Variants in EDAR observed in about 807,000 individuals in gnomAD.
The protein encoded by EDAR is ectodysplasin A receptor.
In EDAR, 38 loss-of-function variants were observed where a neutral mutation model predicts 51.3. The observed-to-expected ratio is 0.74, with a 90% CI of 0.57 to 0.97. EDAR has a LOEUF of 0.97. EDAR is among the 50% of genes least tolerant of loss of function. The pLI is 0.00. For missense variants in EDAR, 528 were observed against 595.0 expected, an observed-to-expected ratio of 0.89 and a Z score of 1.17; for synonymous variants, 227 against 242.1, an observed-to-expected ratio of 0.94 and a Z score of 0.58.
At chr2:108,966,970 T>C (rs1698159867) in intron 1 of EDAR, among the ~76,000 whole-genome samples, 3 of 152,250 alleles carry the variant, frequency 2.0e-5, no homozygotes, top group South Asian at 4.1e-4. Flanking sequence ...AGTCTCACTC[T>C]GTTGCCCAGG....
At chr2:108,920,393 C>T (rs1429675272) in intron 5 of EDAR, among the ~76,000 whole-genome samples, 3 of 152,318 alleles carry the variant, frequency 2.0e-5, no homozygotes, top group South Asian at 4.1e-4. Context: ...GACCTCCCTG[C>T]CCCCACTGTC....
rs1200788713 is a variant in EDAR, at chr2:108,896,410, G to T, written c.*497C>A. 6.4e-6 allele frequency: 1 copy of T among 156,514 alleles called. No homozygotes were observed. Among genetic ancestry groups the T allele is most frequent in the African/African-American group, 2.4e-5 (1 of 41,476 alleles). The allele number at this position is 156,514 out of a possible 1,614,324, so 9.7% of individuals were successfully genotyped here. A position where few individuals can be genotyped will look rare whatever the true frequency, so the allele number is the denominator to read the frequency against. ...TGCCATCCTTCATCATCCCAGTAGG[G>T]AGTCATCTCCCGCTTAGAACTTCTA... On this transcript the variant is annotated 3_prime_UTR_variant, in exon 12 of 12. Transcript: ENST00000258443.
At chr2:108,910,642 G>A (rs374638804) in intron 8 of EDAR, 110 bp from the exon 9 acceptor site, 4 of 1,398,468 alleles carry the variant, frequency 2.9e-6, no homozygotes, top group African/African-American at 1.4e-5. Flanking sequence ...GTGTCTGTGT[G>A]GCACCACCCC....
intron 1 of EDAR, among the ~76,000 whole-genome samples, chr2:108,988,494 G>A (rs1000571496): frequency 1.3e-5 from 2 of 152,118 alleles, no homozygotes; most frequent in Non-Finnish European, 2.9e-5. Context: ...GGGGGTCTCA[G>A]ACACGACTGG....
At chr2:108,932,356 G>A (rs181462887) in intron 1 of EDAR, among the ~76,000 whole-genome samples, 7 of 151,652 alleles carry the variant, frequency 4.6e-5, no homozygotes, top group East Asian at 1.9e-4. Context: ...GTGAAACCTC[G>A]TCTCTACTAA....
At chr2:108,897,954 G>A (rs1696631138) in intron 11 of EDAR, among the ~76,000 whole-genome samples, 1 of 152,124 alleles carries the variant, frequency 6.6e-6, no homozygotes, top group Non-Finnish European at 1.5e-5. Context: ...TAAGTTCCCT[G>A]GGTTTTCTTT....
chr2:108,905,126 T>C (rs2105387025), intron 11 of EDAR, among the ~76,000 whole-genome samples: 1 of 152,022 alleles, frequency 6.6e-6, no homozygotes, highest in East Asian at 1.9e-4. Flanking sequence ...TTTGGGCAGA[T>C]TGGGTGGGCT....
chr2:108,983,824 C>T (rs913452827), intron 1 of EDAR, among the ~76,000 whole-genome samples: 4 of 152,176 alleles, frequency 2.6e-5, no homozygotes, highest in Admixed American at 6.5e-5. Context: ...TCTCTGAACC[C>T]GTTCTCCAAC....
At position 108,958,492 on chromosome 2, in the gene EDAR, C is replaced by G. The variant is rs79692049; in HGVS notation, c.-18-27460G>C. Among the ~76,000 whole-genome samples the G allele has an allele frequency of 6.1e-3, 933 of 152,062 alleles. 12 individuals are homozygous for G. The highest frequency in any genetic ancestry group is 0.022 in the African/African-American group (903 of 41,434). On this transcript the variant is annotated intron_variant, in intron 1 of 11. Coordinates refer to ENST00000258443, the MANE Select transcript of EDAR (RefSeq NM_022336.4). ...CTGAGGCAGAAGGCTCACAAGGGTG[C>G]GTTTGTTCAGGCAGGGGGCAGAACA...
Position 108,907,924 on chromosome 2 carries a change from A to G in EDAR, c.899T>C (p.Leu300Pro). 1 of 1,613,660 alleles carries G rather than the reference A, an allele frequency of 6.2e-7. No individual in the cohort carries two copies. The highest frequency in any genetic ancestry group is 8.5e-7 in the Non-Finnish European group (1 of 1,180,018). Residue 300 changes from leucine (L) to proline (P), a missense_variant, in exon 10 of 12, where the codon CTG becomes CCG. By Grantham distance (98) the Leu-to-Pro change is moderately conservative. Coordinates refer to ENST00000258443, the MANE Select transcript of EDAR (RefSeq NM_022336.4). ...PAPDKQGSPELCLLSLVHLAR... is the reference protein window; with the variant it reads ...PAPDKQGSPEPCLLSLVHLAR... ...CAGGTGAACCAGCGACAGCAGGCAC[A>G]GCTCCGGGGAGCCCTGCTTGTCAGG...
At chr2:108,975,989 G>A (rs1202041435) in intron 1 of EDAR, among the ~76,000 whole-genome samples, 3 of 152,138 alleles carry the variant, frequency 2.0e-5, no homozygotes, top group African/African-American at 7.2e-5. Context: ...GTGTTCCCGG[G>A]GACCCCACAC....
intron 1 of EDAR, among the ~76,000 whole-genome samples, chr2:108,966,323 G>A (rs1308980404): frequency 6.6e-6 from 1 of 152,178 alleles, no homozygotes; most frequent in Admixed American, 6.5e-5. Flanking sequence ...ATGAACTTTG[G>A]GTGAAGGGTT....
At chr2:108,981,907 A>G (rs1167239866) in intron 1 of EDAR, among the ~76,000 whole-genome samples, 1 of 152,214 alleles carries the variant, frequency 6.6e-6, no homozygotes, top group Admixed American at 6.5e-5. Context: ...GGAAGCAACA[A>G]ATGCCCAATA....
At chr2:108,951,142 T>C (rs1421787041) in intron 1 of EDAR, among the ~76,000 whole-genome samples, 1 of 152,252 alleles carries the variant, frequency 6.6e-6, no homozygotes, top group Non-Finnish European at 1.5e-5. Context: ...GAGGATTCTA[T>C]GTAGCTTGAA....
intron 11 of EDAR, among the ~76,000 whole-genome samples, chr2:108,899,875 A>G (rs1256153335): frequency 6.6e-6 from 1 of 152,032 alleles, no homozygotes; most frequent in Non-Finnish European, 1.5e-5. Context: ...AATCCCAGCT[A>G]CTCGGGAGGC....
intron 1 of EDAR, among the ~76,000 whole-genome samples, chr2:108,963,483 A>C (rs575910297): frequency 1.1e-4 from 17 of 152,304 alleles, no homozygotes; most frequent in African/African-American, 3.8e-4. Flanking sequence ...GAGATAATAC[A>C]GAGAGATCCC....
chr2:108,973,770 C>A (rs1355498870), intron 1 of EDAR, among the ~76,000 whole-genome samples: 2 of 152,188 alleles, frequency 1.3e-5, no homozygotes, highest in East Asian at 3.9e-4. Flanking sequence ...TTCCATCTCA[C>A]AATAACGAAA....
chr2:108,901,128 G>T (rs1334280177), intron 11 of EDAR, among the ~76,000 whole-genome samples: 1 of 152,102 alleles, frequency 6.6e-6, no homozygotes, highest in Non-Finnish European at 1.5e-5. Flanking sequence ...CAAATTAAAA[G>T]AATTGAAATT....
chr2:108,911,123 G>C, intron 6 of EDAR, 51 bp from the exon 7 acceptor site: 1 of 1,612,300 alleles, frequency 6.2e-7, no homozygotes, highest in Non-Finnish European at 8.5e-7. Context: ...ATCCCTGCTG[G>C]TCTTCCCTCC....
Sources: allele counts gnomAD v4.1 joint callset (sites outside exome capture counted in the v4.1 genomes callset), GRCh38; gene constraint gnomAD v4.1.1; transcripts MANE v1.5; gene names NCBI Gene and HGNC (gene_info 2026-07-23, HGNC 2026-07-21).